Variants in BCAR3 observed in about 807,000 individuals in gnomAD.
BCAR3 encodes the protein breast cancer anti-estrogen resistance protein 3.
A neutral mutation model predicts 80.1 loss-of-function variants in BCAR3; 37 were observed. The ratio of observed to expected loss-of-function variants is 0.46; its 90% CI spans 0.36 to 0.61. The LOEUF (loss-of-function observed/expected upper bound fraction) is 0.61. Among genes scored for constraint, BCAR3 ranks in the 20% least tolerant of loss-of-function variants. The pLI is 0.00. For missense variants in BCAR3, 978 were observed against 1,068.2 expected, an observed-to-expected ratio of 0.92 and a Z score of 1.18; for synonymous variants, 389 against 418.9, an observed-to-expected ratio of 0.93 and a Z score of 0.87.
intron 2 of BCAR3, among the ~76,000 whole-genome samples, chr1:93,736,863 T>C (rs1391716691): frequency 6.6e-6 from 1 of 152,198 alleles, no homozygotes; most frequent in Non-Finnish European, 1.5e-5. Flanking sequence ...GTGCTGGGTT[T>C]TGTTAGGCTT....
chr1:93,633,126 G>A (rs1331277305), intron 3 of BCAR3, among the ~76,000 whole-genome samples: 1 of 152,182 alleles, frequency 6.6e-6, no homozygotes, highest in African/African-American at 2.4e-5. Context: ...TGACCCCTTG[G>A]TCTAAAGATA....
At chr1:93,638,853 T>G (rs1043177684) in intron 3 of BCAR3, among the ~76,000 whole-genome samples, 3 of 151,924 alleles carry the variant, frequency 2.0e-5, no homozygotes, top group Admixed American at 1.3e-4. Context: ...TGAGCTACTG[T>G]GGGGGGAAAA....
chr1:93,567,157 A>T, intron 11 of BCAR3, 122 bp downstream of exon 11: 2 of 1,216,896 alleles, frequency 1.6e-6, no homozygotes, highest in South Asian at 3.0e-5. Flanking sequence ...TAGGAAATGG[A>T]ATTCCATTCT....
At chr1:93,807,624 G>A (rs1331355385) in intron 2 of BCAR3, among the ~76,000 whole-genome samples, 1 of 152,150 alleles carries the variant, frequency 6.6e-6, no homozygotes, top group Non-Finnish European at 1.5e-5. Flanking sequence ...AGTCTGTGTG[G>A]GTGTGGTGAT....
intron 2 of BCAR3, among the ~76,000 whole-genome samples, chr1:93,790,437 A>G (rs1482955320): frequency 2.6e-5 from 4 of 152,076 alleles, no homozygotes. Context: ...TGGGAGTACA[A>G]CTTGAAGAGG....
chr1:93,697,777 G>A (rs745442350), intron 3 of BCAR3, among the ~76,000 whole-genome samples: 10 of 152,016 alleles, frequency 6.6e-5, no homozygotes, highest in East Asian at 1.9e-4. Flanking sequence ...TCAGGAGTTC[G>A]ACACCAGCCT....
At chr1:93,621,805 C>G (rs1675323724) in intron 3 of BCAR3, among the ~76,000 whole-genome samples, 1 of 152,158 alleles carries the variant, frequency 6.6e-6, no homozygotes, top group South Asian at 2.1e-4. Flanking sequence ...CTGCAGCCGT[C>G]ACAGATATCG....
chr1:93,810,338 G>A lies in BCAR3; in HGVS notation c.-63+35229C>T, dbSNP rs181626663. Among the ~76,000 whole-genome samples the A allele has an allele frequency of 4.2e-3, 637 of 152,006 alleles. 3 individuals are homozygous for A. Among genetic ancestry groups the A allele is most frequent in the Non-Finnish European group, 6.0e-3 (407 of 67,970 alleles). On this transcript the variant is annotated intron_variant, in intron 2 of 13. Transcript: ENST00000370244. Reference sequence around the variant, plus strand: ...TATTGTTACCACACACACACAAAAAGACTTTTTTGACAACTAGCCCTTAAG... The same window carrying A: ...TATTGTTACCACACACACACAAAAAAACTTTTTTGACAACTAGCCCTTAAG...
At chr1:93,742,213 T>C (rs1651204190) in intron 2 of BCAR3, among the ~76,000 whole-genome samples, 1 of 152,112 alleles carries the variant, frequency 6.6e-6, no homozygotes, top group South Asian at 2.1e-4. Context: ...CCAGAAGACT[T>C]AGGAATAGGA....
At chr1:93,715,890 T>G (rs1350305454) in intron 2 of BCAR3, among the ~76,000 whole-genome samples, 1 of 152,166 alleles carries the variant, frequency 6.6e-6, no homozygotes, top group Non-Finnish European at 1.5e-5. Context: ...CCACAAACCT[T>G]AATGCGTTTG....
chr1:93,780,856 A>G (rs1295453653), intron 2 of BCAR3, among the ~76,000 whole-genome samples: 7 of 152,240 alleles, frequency 4.6e-5, no homozygotes, highest in Admixed American at 4.6e-4. Context: ...TTTACAAAGT[A>G]CTTTCACATA....
At chr1:93,657,604 T>G (rs1647448215) in intron 2 of BCAR3, among the ~76,000 whole-genome samples, 1 of 152,080 alleles carries the variant, frequency 6.6e-6, no homozygotes, top group African/African-American at 2.4e-5. Context: ...CATATACAGT[T>G]TAACATGAGA....
chr1:93,644,213 C>G (rs2101912199), intron 2 of BCAR3, among the ~76,000 whole-genome samples: 1 of 152,276 alleles, frequency 6.6e-6, no homozygotes, highest in South Asian at 2.1e-4. Context: ...CCAGGCCCTC[C>G]CAATCCTAAA....
chr1:93,715,241 T>G (rs1266493474), intron 2 of BCAR3, among the ~76,000 whole-genome samples: 5 of 152,264 alleles, frequency 3.3e-5, no homozygotes, highest in African/African-American at 1.2e-4. Flanking sequence ...TTTACCTACT[T>G]TCTTTTCTTG....
intron 2 of BCAR3, among the ~76,000 whole-genome samples, chr1:93,801,285 C>T (rs894436028): frequency 6.6e-6 from 1 of 152,170 alleles, no homozygotes; most frequent in African/African-American, 2.4e-5. Context: ...ATGATTTTAG[C>T]GGCTTCGTTG....
chr1:93,817,196 C>T (rs1181270105), intron 2 of BCAR3, among the ~76,000 whole-genome samples: 2 of 152,194 alleles, frequency 1.3e-5, no homozygotes, highest in Non-Finnish European at 2.9e-5. Flanking sequence ...TTTGATTTAG[C>T]CTTATATGTG....
intron 9 of BCAR3, 39 bp from the exon 10 acceptor site, chr1:93,567,890 A>AAATT (rs1192421963): frequency 1.3e-6 from 2 of 1,558,534 alleles, no homozygotes; most frequent in East Asian, 4.5e-5. Context: ...GTTCTTTTTA[A>AAATT]AATTACCTTT....
chr1:93,703,572 G>A (rs200930136), intron 3 of BCAR3, among the ~76,000 whole-genome samples: 10,186 of 139,726 alleles, frequency 0.073, 1,189 homozygotes, highest in African/African-American at 0.26. Flanking sequence ...CTCTTAAAAA[G>A]AAAAAAAAAA....
chr1:93,594,101 G>T (rs531515978), intron 3 of BCAR3, among the ~76,000 whole-genome samples: 5 of 152,258 alleles, frequency 3.3e-5, no homozygotes, highest in Admixed American at 3.3e-4. Context: ...ACGCTTTATT[G>T]TTCGTTTATT....
Sources: allele counts gnomAD v4.1 joint callset (sites outside exome capture counted in the v4.1 genomes callset), GRCh38; gene constraint gnomAD v4.1.1; transcripts MANE v1.5; gene names NCBI Gene and HGNC (gene_info 2026-07-23, HGNC 2026-07-21).